The following DSE variants were observed in gnomAD, a reference collection of about 807,000 sequenced individuals.
DSE encodes dermatan sulfate epimerase.
DSE carries 36 observed loss-of-function variants against 84.4 expected under a neutral mutation model. The ratio of observed to expected loss-of-function variants is 0.43; its 90% CI spans 0.33 to 0.56. The LOEUF (loss-of-function observed/expected upper bound fraction) is 0.56, where lower values mean the gene tolerates loss of function less well. DSE is among the 20% of genes least tolerant of loss of function. The pLI is 0.06. For missense variants in DSE, 862 were observed against 1,169.6 expected (o/e 0.74, Z 3.84); for synonymous variants, 410 against 430.1 (o/e 0.95, Z 0.58).
intron 2 of DSE, among the ~76,000 whole-genome samples, chr6:116,420,500 A>G (rs1022194558): frequency 6.6e-6 from 1 of 152,188 alleles, no homozygotes; most frequent in Non-Finnish European, 1.5e-5. Flanking sequence ...ACACAGTAAG[A>G]TGGCGGCGGC....
In DSE at chr6:116,387,841, A is replaced by G. The variant is rs1192194971; in HGVS notation, c.-53-11357A>G. Among the ~76,000 whole-genome samples, 7 of 152,344 alleles carry G rather than the reference A, an allele frequency of 4.6e-5. No homozygotes were observed. In the East Asian group the frequency reaches 1.4e-3, roughly 29 times the overall value. On this transcript the variant is annotated intron_variant, in intron 1 of 5. Coordinates refer to ENST00000644252, the MANE Select transcript of DSE (RefSeq NM_013352.4). Reference sequence around the variant, plus strand: ...AGAAGGATTTTCCACAGAGGTATTAAGAGAAGCAGGAGAATACGGTATCCC... The same window carrying G: ...AGAAGGATTTTCCACAGAGGTATTAGGAGAAGCAGGAGAATACGGTATCCC...
intron 2 of DSE, among the ~76,000 whole-genome samples, chr6:116,316,964 A>T (rs1776019911): frequency 1.3e-5 from 2 of 152,158 alleles, no homozygotes; most frequent in Non-Finnish European, 2.9e-5. Context: ...ATGCTGATTC[A>T]GCATTAAATG....
upstream of DSE, chr6:116,370,112 CAGG>C: frequency 4.8e-6 from 2 of 413,162 alleles, no homozygotes; most frequent in East Asian, 7.2e-5. Flanking sequence ...TTTTGGAAAA[CAGG>C]AGGACTCTTC....
At chr6:116,368,489 C>G (rs1298562227), upstream of DSE, among the ~76,000 whole-genome samples, 1 of 152,176 alleles carries the variant, frequency 6.6e-6, no homozygotes, top group Non-Finnish European at 1.5e-5. Flanking sequence ...CAATAAAATT[C>G]AGTAGAATCA....
At chr6:116,259,053 C>G (rs1282836603) in intron 2 of DSE, 1 of 1,553,378 alleles carries the variant, frequency 6.4e-7, no homozygotes, top group Non-Finnish European at 8.8e-7. Flanking sequence ...TGCTCCACTT[C>G]CCAAAGAGCT....
intron 2 of DSE, among the ~76,000 whole-genome samples, chr6:116,351,951 G>A (rs542454021): frequency 1.3e-5 from 2 of 152,240 alleles, no homozygotes; most frequent in Non-Finnish European, 2.9e-5. Context: ...TCTAGTAACT[G>A]CAGTTCTTCT....
At chr6:116,334,299 G>T (rs1284647153) in intron 2 of DSE, among the ~76,000 whole-genome samples, 2 of 152,130 alleles carry the variant, frequency 1.3e-5, no homozygotes, top group African/African-American at 2.4e-5. Flanking sequence ...CCTTCTAGCA[G>T]AGTTAAGGTC....
chr6:116,332,404 C>G (rs1017954541), intron 2 of DSE, among the ~76,000 whole-genome samples: 1 of 147,866 alleles, frequency 6.8e-6, no homozygotes, highest in African/African-American at 2.5e-5. Flanking sequence ...AAGAGAGACA[C>G]AGGGAGAAAA....
intron 2 of DSE, among the ~76,000 whole-genome samples, chr6:116,422,274 C>T (rs573962216): frequency 6.6e-6 from 1 of 152,284 alleles, no homozygotes; most frequent in Non-Finnish European, 1.5e-5. Flanking sequence ...TTGGTAAGCT[C>T]TTAAGCTCTT....
intron 2 of DSE, among the ~76,000 whole-genome samples, chr6:116,315,115 C>T (rs1372685400): frequency 6.6e-6 from 1 of 152,148 alleles, no homozygotes; most frequent in Non-Finnish European, 1.5e-5. Flanking sequence ...GGGCAGCTTC[C>T]TCCATCTCTC....
rs961323813 is a variant in DSE, at chr6:116,439,265, GA to G, written c.*1924del. 1.2e-4 allele frequency: 19 copies of G among 152,316 alleles called. No individual in the cohort carries two copies. Among genetic ancestry groups the G allele is most frequent in the Admixed American group, 1.0e-3 (16 of 15,310 alleles). The allele number at this position is 152,316 out of a possible 1,614,324, so 9.4% of individuals were successfully genotyped here. On this transcript the variant is annotated 3_prime_UTR_variant, in exon 6 of 6. Transcript: ENST00000644252. The stretch of plus-strand genomic sequence containing the variant: ...CTGAGACATACTTTCTAACAGAGAT[GA>G]AAAGTGCAAGTGAGTGCCAAACTCG...
chr6:116,309,115 T>C (rs934930735), intron 2 of DSE, among the ~76,000 whole-genome samples: 2 of 148,528 alleles, frequency 1.3e-5, no homozygotes, highest in African/African-American at 4.9e-5. Flanking sequence ...TTGAACTTAT[T>C]ATCTCATGAT....
At position 116,327,205 on chromosome 6, in the gene DSE, T is replaced by C. The variant is rs369243734; in HGVS notation, c.-54+68238T>C. ...TTCTGCTCCAGAACAAACTCTGTTTTATTCAGTTACTTAGTTACACAGCAC... is the reference window on the plus strand; with the variant it reads ...TTCTGCTCCAGAACAAACTCTGTTTCATTCAGTTACTTAGTTACACAGCAC... On this transcript the variant is annotated intron_variant, in intron 2 of 3. Coordinates refer to the DSE transcript ENST00000430252. Among the ~76,000 whole-genome samples the C allele has an allele frequency of 2.8e-4, 42 of 152,348 alleles. No individual in the cohort carries two copies. In the East Asian group the frequency reaches 4.2e-3, roughly 15 times the overall value.
chr6:116,354,401 AC>A (rs1228027400), intron 2 of DSE, among the ~76,000 whole-genome samples: 1 of 152,108 alleles, frequency 6.6e-6, no homozygotes, highest in Non-Finnish European at 1.5e-5. Flanking sequence ...AAACAGAGTC[AC>A]CCCCTCATGC....
intron 2 of DSE, among the ~76,000 whole-genome samples, chr6:116,287,713 T>C (rs1447301114): frequency 6.6e-6 from 1 of 152,072 alleles, no homozygotes; most frequent in Non-Finnish European, 1.5e-5. Flanking sequence ...GTATGATATC[T>C]AGCATCCATG....
chr6:116,282,536 A>C (rs1433625066), intron 2 of DSE, among the ~76,000 whole-genome samples: 1 of 152,214 alleles, frequency 6.6e-6, no homozygotes, highest in Non-Finnish European at 1.5e-5. Context: ...AATTTCCCCC[A>C]AATAACGTTG....
chr6:116,323,443 T>C (rs1776443302), intron 2 of DSE, among the ~76,000 whole-genome samples: 1 of 152,210 alleles, frequency 6.6e-6, no homozygotes. Context: ...AAAAAACTTT[T>C]CAGTGGCAGC....
chr6:116,255,179 A>T (rs1157790235), intron 1 of DSE: 3 of 152,258 alleles, frequency 2.0e-5, no homozygotes, highest in Non-Finnish European at 4.4e-5. Flanking sequence ...TCAAATTTAT[A>T]TTCAAATAAA....
chr6:116,369,476 T>C (rs1268067406), upstream of DSE, among the ~76,000 whole-genome samples: 1 of 152,228 alleles, frequency 6.6e-6, no homozygotes, highest in Non-Finnish European at 1.5e-5. Flanking sequence ...GCTATTTTTA[T>C]TATATCCTCT....
Sources: allele counts gnomAD v4.1 joint callset (sites outside exome capture counted in the v4.1 genomes callset), GRCh38; gene constraint gnomAD v4.1.1; transcripts MANE v1.5; gene names NCBI Gene and HGNC (gene_info 2026-07-23, HGNC 2026-07-21).